The following TMEM163 variants were observed in gnomAD, a reference collection of about 807,000 sequenced individuals.
TMEM163 encodes the protein transmembrane protein 163.
A neutral mutation model predicts 29.3 loss-of-function variants in TMEM163; 17 were observed. That is an observed-to-expected ratio of 0.58 (90% CI 0.40 to 0.87). The LOEUF is 0.87. Among genes scored for constraint, TMEM163 ranks in the 40% least tolerant of loss-of-function variants. TMEM163 has a pLI of 0.00. For missense variants in TMEM163, 303 were observed against 381.5 expected (o/e 0.79, Z 1.71); for synonymous variants, 157 against 160.6 (o/e 0.98, Z 0.17).
chr2:134,658,112 C>T (rs1298319247), intron 2 of TMEM163, among the ~76,000 whole-genome samples: 1 of 152,202 alleles, frequency 6.6e-6, no homozygotes, highest in Non-Finnish European at 1.5e-5. Context: ...GATTGTCAGG[C>T]TGGTCAGAGT....
rs973355861 is a variant in TMEM163 at position 134,503,116 on chromosome 2, C to A, written c.459-119G>T. 3.2e-5 allele frequency: 31 copies of A among 981,646 alleles called. No homozygotes were observed. The Admixed American group carries it at 4.9e-4, about 16-fold the overall frequency. 60.8% of individuals were successfully genotyped at this position (981,646 alleles called of 1,614,324 possible). ...ATGAACTCAATTGTAATTTGCCACACCCCCAGGGTGACCACCCACAGTCCA... is the reference window on the plus strand; with the variant it reads ...ATGAACTCAATTGTAATTTGCCACAACCCCAGGGTGACCACCCACAGTCCA... On this transcript the variant is annotated intron_variant, in intron 4 of 7. Transcript: ENST00000281924.
chr2:134,583,516 T>C (rs1233208682), intron 2 of TMEM163, among the ~76,000 whole-genome samples: 3 of 152,044 alleles, frequency 2.0e-5, no homozygotes, highest in African/African-American at 7.2e-5. Context: ...TCAAACCCCA[T>C]GGAGAAGGCC....
intron 2 of TMEM163, among the ~76,000 whole-genome samples, chr2:134,610,966 G>C (rs911994019): frequency 6.6e-6 from 1 of 151,962 alleles, no homozygotes; most frequent in Non-Finnish European, 1.5e-5. Flanking sequence ...GAAGAGACGG[G>C]TCAGCAGCAC....
At chr2:134,690,136 G>A (rs1231770480) in intron 2 of TMEM163, among the ~76,000 whole-genome samples, 4 of 151,858 alleles carry the variant, frequency 2.6e-5, no homozygotes, top group African/African-American at 9.7e-5. Context: ...TCGGCATGTT[G>A]GCCAGGCTGG....
chr2:134,663,595 A>G (rs891237573), intron 2 of TMEM163, among the ~76,000 whole-genome samples: 3 of 152,182 alleles, frequency 2.0e-5, no homozygotes, highest in African/African-American at 7.2e-5. Flanking sequence ...CCACATGTGG[A>G]AGCATTGTCA....
chr2:134,521,917 G>A (rs139964339), intron 4 of TMEM163, among the ~76,000 whole-genome samples: 2 of 152,242 alleles, frequency 1.3e-5, no homozygotes, highest in African/African-American at 2.4e-5. Context: ...TTAAGCAGTC[G>A]AGGAAGACCA....
chr2:134,657,161 T>G (rs1683639538), intron 2 of TMEM163, among the ~76,000 whole-genome samples: 1 of 152,210 alleles, frequency 6.6e-6, no homozygotes, highest in Non-Finnish European at 1.5e-5. Flanking sequence ...TTTTAGTTAG[T>G]AGGATTGGTA....
intron 2 of TMEM163, among the ~76,000 whole-genome samples, chr2:134,617,082 C>A (rs1004278928): frequency 8.5e-5 from 13 of 152,140 alleles, no homozygotes; most frequent in African/African-American, 3.1e-4. Flanking sequence ...CTTTTAATTT[C>A]TTTAAATGGC....
At chr2:134,467,887 T>A (rs1245906996) in intron 5 of TMEM163, 1 of 152,208 alleles carries the variant, frequency 6.6e-6, no homozygotes, top group East Asian at 1.9e-4. Context: ...CTAAAATTAT[T>A]TCACATTTAA....
intron 2 of TMEM163, among the ~76,000 whole-genome samples, chr2:134,563,522 C>A (rs1196220323): frequency 6.6e-6 from 1 of 152,004 alleles, no homozygotes; most frequent in Non-Finnish European, 1.5e-5. Context: ...CTATTCAAAA[C>A]AACAAAATTA....
At chr2:134,587,421 GA>G (rs1435227176) in intron 2 of TMEM163, among the ~76,000 whole-genome samples, 1 of 151,980 alleles carries the variant, frequency 6.6e-6, no homozygotes, top group South Asian at 2.1e-4. Context: ...AACAAACAAA[GA>G]AAAAAACAAA....
chr2:134,593,433 C>T (rs992429452), intron 2 of TMEM163, among the ~76,000 whole-genome samples: 14 of 152,000 alleles, frequency 9.2e-5, no homozygotes, highest in Admixed American at 7.2e-4. Context: ...GTCCCCTCTC[C>T]CTCTGCCATT....
At chr2:134,527,499 C>T (rs545236941) in intron 4 of TMEM163, among the ~76,000 whole-genome samples, 14 of 152,316 alleles carry the variant, frequency 9.2e-5, no homozygotes, top group South Asian at 6.2e-4. Context: ...CCGCTGCTAT[C>T]GCTGAGGGTT....
At chr2:134,551,323 A>G (rs1225141081) in intron 3 of TMEM163, among the ~76,000 whole-genome samples, 1 of 151,980 alleles carries the variant, frequency 6.6e-6, no homozygotes, top group African/African-American at 2.4e-5. Context: ...GATGGTCCAC[A>G]TCTTTCATAA....
chr2:134,600,885 T>A (rs1682213912), intron 2 of TMEM163, among the ~76,000 whole-genome samples: 1 of 152,166 alleles, frequency 6.6e-6, no homozygotes, highest in African/African-American at 2.4e-5. Context: ...GAGAGGGCAC[T>A]ACATTTGCCC....
chr2:134,538,394 G>T (rs940301792), intron 4 of TMEM163, among the ~76,000 whole-genome samples: 6 of 152,158 alleles, frequency 3.9e-5, no homozygotes, highest in Non-Finnish European at 8.8e-5. Flanking sequence ...AAGCCACCCA[G>T]TCTATGATAT....
At chr2:134,679,370 A>G (rs1456548450) in intron 2 of TMEM163, among the ~76,000 whole-genome samples, 2 of 152,246 alleles carry the variant, frequency 1.3e-5, no homozygotes, top group African/African-American at 4.8e-5. Context: ...ATCATGCATC[A>G]TAAGATCAGG....
intron 5 of TMEM163, among the ~76,000 whole-genome samples, chr2:134,499,715 A>C (rs984429705): frequency 6.6e-6 from 1 of 152,248 alleles, no homozygotes; most frequent in South Asian, 2.1e-4. Flanking sequence ...GGGGAAGGGA[A>C]GACGCTGTTT....
intron 2 of TMEM163, among the ~76,000 whole-genome samples, chr2:134,648,261 CT>C (rs2104845230): frequency 6.8e-6 from 1 of 146,886 alleles, no homozygotes; most frequent in Non-Finnish European, 1.5e-5. Flanking sequence ...CAAGCTGCTT[CT>C]CTTCAATGTC....
Sources: gnomAD v4.1 joint callset for allele counts (sites outside exome capture counted in the v4.1 genomes callset) on GRCh38, gnomAD v4.1.1 for gene constraint, MANE v1.5 for transcripts, NCBI Gene and HGNC (gene_info 2026-07-23, HGNC 2026-07-21) for gene names.